The following LRRC37A2 variants were observed in gnomAD, a reference collection of about 807,000 sequenced individuals.
The protein encoded by LRRC37A2 is leucine-rich repeat-containing protein 37A2.
LRRC37A2 carries 9 observed loss-of-function variants against 68.8 expected under a neutral mutation model. The observed-to-expected ratio is 0.13, with a 90% CI of 0.08 to 0.23. LRRC37A2 has a LOEUF of 0.23. LRRC37A2 is among the 10% of genes least tolerant of loss of function. The probability of loss-of-function intolerance (pLI) is 1.00; values close to 1 mark genes in which losing one functional copy is unlikely to be tolerated. For missense variants in LRRC37A2, 168 were observed against 950.4 expected, an observed-to-expected ratio of 0.18 and a Z score of 10.82; for synonymous variants, 63 against 367.6, an observed-to-expected ratio of 0.17 and a Z score of 9.48.
chr17:46,811,506 C>T, the LRRC37A2 span, among the ~76,000 whole-genome samples: 446 of 152,268 alleles, frequency 2.9e-3, 3 homozygotes, highest in African/African-American at 9.4e-3. Flanking sequence ...GCTGAAGAAC[C>T]GGGTTTCAGC....
At chr17:46,800,862 C>G in the LRRC37A2 span, among the ~76,000 whole-genome samples, 7 of 152,268 alleles carry the variant, frequency 4.6e-5, no homozygotes, top group African/African-American at 1.7e-4. Context: ...TGAGGGAAGG[C>G]TGCGCAGAGG....
the LRRC37A2 span, among the ~76,000 whole-genome samples, chr17:46,892,268 C>T: frequency 2.6e-5 from 4 of 152,146 alleles, no homozygotes; most frequent in East Asian, 7.7e-4. Flanking sequence ...GCCTAAAAAC[C>T]CCAGGTAAGT....
the LRRC37A2 span, among the ~76,000 whole-genome samples, chr17:46,791,453 C>A: frequency 6.6e-6 from 1 of 152,190 alleles, no homozygotes; most frequent in East Asian, 1.9e-4. Context: ...GTGATCCGCC[C>A]GCCTCAGCCT....
chr17:46,966,501 C>T, the LRRC37A2 span: 9 of 683,264 alleles, frequency 1.3e-5, no homozygotes, highest in Non-Finnish European at 2.4e-5. Flanking sequence ...GTGCACCCCA[C>T]CACACCCGAT....
At chr17:46,728,899 G>T in the LRRC37A2 span, 1 of 1,607,876 alleles carries the variant, frequency 6.2e-7, no homozygotes, top group South Asian at 1.1e-5. Context: ...TGTATTACAG[G>T]CTCTTCTCGT....
the LRRC37A2 span, among the ~76,000 whole-genome samples, chr17:46,884,457 A>G: frequency 6.6e-6 from 1 of 151,692 alleles, no homozygotes; most frequent in South Asian, 2.1e-4. Context: ...TCTGCTTCTC[A>G]TGTTTCCCCA....
chr17:46,885,276 G>A, the LRRC37A2 span: 1 of 285,328 alleles, frequency 3.5e-6, no homozygotes, highest in African/African-American at 2.3e-5. Flanking sequence ...AAAGTGCTGG[G>A]ATTACCGGTG....
the LRRC37A2 span, among the ~76,000 whole-genome samples, chr17:46,969,677 T>G: frequency 1.3e-5 from 2 of 152,184 alleles, no homozygotes; most frequent in Non-Finnish European, 1.5e-5. Flanking sequence ...GATAAATGCC[T>G]TAAACACGGA....
At chr17:46,905,055 C>T in the LRRC37A2 span, among the ~76,000 whole-genome samples, 1 of 152,026 alleles carries the variant, frequency 6.6e-6, no homozygotes, top group Non-Finnish European at 1.5e-5. Context: ...TGGCAGCGGC[C>T]CTAGAGAAAA....
chr17:46,728,994 T>A, the LRRC37A2 span: 5 of 1,031,850 alleles, frequency 4.8e-6, no homozygotes, highest in South Asian at 1.5e-5. Context: ...AAATCGCATA[T>A]AATGATACAA....
At chr17:46,386,218 C>A in the LRRC37A2 span, among the ~76,000 whole-genome samples, 2 of 114,100 alleles carry the variant, frequency 1.8e-5, no homozygotes, top group African/African-American at 5.9e-5. Flanking sequence ...CCCACCTCAA[C>A]CTCCCGAGTA....
the LRRC37A2 span, among the ~76,000 whole-genome samples, chr17:46,779,103 A>ACCCC: frequency 1.3e-3 from 176 of 133,650 alleles, 7 homozygotes; most frequent in East Asian, 0.023. Context: ...ACACACACAC[A>ACCCC]CCCCAGCCCA....
the LRRC37A2 span, among the ~76,000 whole-genome samples, chr17:46,605,817 A>G: frequency 1.7e-5 from 1 of 59,544 alleles, no homozygotes; most frequent in African/African-American, 8.5e-5. Flanking sequence ...TGAAATAAAT[A>G]TTGGCTTTAT....
At chr17:46,816,468 AAC>A in the LRRC37A2 span, among the ~76,000 whole-genome samples, 20 of 96,524 alleles carry the variant, frequency 2.1e-4, no homozygotes, top group East Asian at 4.0e-4. Context: ...ATAGACCCAG[AAC>A]ACACGCACAC....
At chr17:47,020,507 T>C in the LRRC37A2 span, among the ~76,000 whole-genome samples, 14 of 150,756 alleles carry the variant, frequency 9.3e-5, no homozygotes, top group Non-Finnish European at 1.9e-4. Context: ...AGGCTGGGTG[T>C]GGTGGCTCAC....
chr17:46,703,538 C>A, the LRRC37A2 span, among the ~76,000 whole-genome samples: 12 of 147,396 alleles, frequency 8.1e-5, no homozygotes, highest in African/African-American at 3.0e-4. Flanking sequence ...AAAAATTAGC[C>A]GGGCGTGGTG....
the LRRC37A2 span, among the ~76,000 whole-genome samples, chr17:46,879,700 G>C: frequency 6.6e-6 from 1 of 152,200 alleles, no homozygotes; most frequent in Non-Finnish European, 1.5e-5. Context: ...CATAGACCAG[G>C]CACTACGGGC....
the LRRC37A2 span, among the ~76,000 whole-genome samples, chr17:46,896,648 T>C: frequency 2.0e-5 from 3 of 152,048 alleles, no homozygotes; most frequent in South Asian, 6.2e-4. Flanking sequence ...GCACAGGTCA[T>C]GAACTGGTCA....
chr17:46,877,835 A>G, the LRRC37A2 span, among the ~76,000 whole-genome samples: 1 of 152,294 alleles, frequency 6.6e-6, no homozygotes, highest in South Asian at 2.1e-4. Context: ...GGCTGGGGTT[A>G]TAGGTGCTTG....
Sources: allele counts gnomAD v4.1 joint callset (sites outside exome capture counted in the v4.1 genomes callset), GRCh38; gene constraint gnomAD v4.1.1; transcripts MANE v1.5; gene names NCBI Gene and HGNC (gene_info 2026-07-23, HGNC 2026-07-21).